Variants in MTMR8 observed in about 807,000 individuals in gnomAD.
MTMR8 encodes the protein myotubularin related protein 8.
MTMR8 carries 65 observed loss-of-function variants against 39.3 expected under a neutral mutation model. That is an observed-to-expected ratio of 1.65 (90% confidence interval 1.35 to 2.03). MTMR8 has a LOEUF of 2.03. Among genes scored for constraint, MTMR8 ranks in the 30% most tolerant of loss-of-function variants. MTMR8 has a pLI of 0.00. For synonymous variants in MTMR8, 245 were observed against 185.2 expected, an observed-to-expected ratio of 1.32 and a Z score of -2.62; for missense variants, 777 against 538.9, an observed-to-expected ratio of 1.44 and a Z score of -4.37.
chrX:64,271,110 T>C lies in MTMR8; in HGVS notation c.1482-37A>G, dbSNP rs769862829. Reference sequence around the variant, plus strand: ...AAAAATGGGGGGAAAAGTGGGTTAGTTTAGCTGGAGTAATTGATTACCAAT... The same window carrying C: ...AAAAATGGGGGGAAAAGTGGGTTAGCTTAGCTGGAGTAATTGATTACCAAT... On this transcript the variant is annotated intron_variant, in intron 12 of 13. Transcript: ENST00000374852. The C allele has an allele frequency of 2.0e-5, 23 of 1,146,113 alleles. No homozygotes were observed. The East Asian group carries it at 7.2e-4, about 36-fold the overall frequency. 94.5% of individuals were successfully genotyped at this position (1,146,113 alleles called of 1,213,427 possible).
intron 12 of MTMR8, among the ~76,000 whole-genome samples, chrX:64,296,648 T>A (rs1462154060): frequency 2.8e-5 from 3 of 106,087 alleles, no homozygotes; most frequent in African/African-American, 1.0e-4. Flanking sequence ...GTTACATATG[T>A]ATACATGTGC....
intron 3 of MTMR8, 90 bp downstream of exon 3, chrX:64,356,086 C>T: frequency 1.1e-6 from 1 of 946,915 alleles, no homozygotes; most frequent in East Asian, 3.4e-5. Context: ...AGATCCAAAC[C>T]CTCCTCTGAC....
intron 12 of MTMR8, among the ~76,000 whole-genome samples, chrX:64,320,739 G>A (rs1602130048): frequency 9.0e-6 from 1 of 110,922 alleles, no homozygotes; most frequent in African/African-American, 3.3e-5. Flanking sequence ...TACATGCTGA[G>A]GGTCAGACCT....
chrX:64,328,912 G>A lies in MTMR8; in HGVS notation c.1353-12C>T, dbSNP rs1569221603. 2 of 1,182,109 alleles carry A rather than the reference G, an allele frequency of 1.7e-6. No homozygotes were observed. Among genetic ancestry groups the A allele is most frequent in the South Asian group, 3.9e-5 (2 of 51,924 alleles). On this transcript the variant is annotated splice_polypyrimidine_tract_variant and intron_variant, in intron 11 of 13. Transcript: ENST00000374852. ...TTTTCTCATAGACTCTGTTAGAAAA[G>A]AAAAACAAGCCAAAAAATTAAAAGC...
chrX:64,306,915 T>A (rs1251341371), intron 12 of MTMR8, among the ~76,000 whole-genome samples: 4 of 110,888 alleles, frequency 3.6e-5, no homozygotes, highest in African/African-American at 6.6e-5. Flanking sequence ...CCTGTACAAC[T>A]CCCTTCCTCA....
intron 1 of MTMR8, among the ~76,000 whole-genome samples, chrX:64,364,877 G>A (rs957560234): frequency 9.0e-6 from 1 of 111,239 alleles, no homozygotes; most frequent in African/African-American, 3.3e-5. Flanking sequence ...AAGATTAGAC[G>A]AATGGCTAAC....
intron 2 of MTMR8, 122 bp from the exon 3 acceptor site, chrX:64,356,460 T>C (rs1256241665): frequency 1.0e-5 from 6 of 589,377 alleles, no homozygotes; most frequent in African/African-American, 2.3e-5. Context: ...ATCTACAGCC[T>C]ACAACCATTC....
intron 12 of MTMR8, among the ~76,000 whole-genome samples, chrX:64,326,262 C>A (rs1429955511): frequency 1.8e-5 from 2 of 110,996 alleles, no homozygotes; most frequent in Non-Finnish European, 3.8e-5. Context: ...AATGGACTCA[C>A]ACATTTCAAA....
Position 64,356,340 on chromosome X carries a change from T to C in MTMR8, c.148-2A>G. 1 of 1,198,612 alleles carries C rather than the reference T, an allele frequency of 8.3e-7. No homozygotes were observed. Among genetic ancestry groups the C allele is most frequent in the Non-Finnish European group, 1.1e-6 (1 of 890,283 alleles). On this transcript the variant is annotated splice_acceptor_variant, in intron 2 of 13. Transcript: ENST00000374852. LOFTEE classifies it high-confidence loss of function. ...AGTGGCAATGTGATGGAGTGCAATCTGAAAAACATAAAAGAACCAGCGTAA... is the reference window on the plus strand; with the variant it reads ...AGTGGCAATGTGATGGAGTGCAATCCGAAAAACATAAAAGAACCAGCGTAA...
At chrX:64,287,231 A>G (rs1921215611) in intron 12 of MTMR8, among the ~76,000 whole-genome samples, 1 of 111,428 alleles carries the variant, frequency 9.0e-6, no homozygotes, top group Non-Finnish European at 1.9e-5. Context: ...CAAAGAGAAT[A>G]AAATACCTAG....
At chrX:64,358,385 G>A (rs937269930) in intron 2 of MTMR8, among the ~76,000 whole-genome samples, 1 of 111,868 alleles carries the variant, frequency 8.9e-6, no homozygotes, top group African/African-American at 3.3e-5. Flanking sequence ...CTTCTTTCAT[G>A]TGCATACTCA....
At chrX:64,290,244 C>G (rs947515016) in intron 12 of MTMR8, among the ~76,000 whole-genome samples, 1 of 109,949 alleles carries the variant, frequency 9.1e-6, no homozygotes, top group African/African-American at 3.3e-5. Context: ...ATTTTAAGTG[C>G]ATTTTACTAC....
At chrX:64,327,742 C>T (rs1922835952) in intron 12 of MTMR8, among the ~76,000 whole-genome samples, 1 of 111,958 alleles carries the variant, frequency 8.9e-6, no homozygotes, top group South Asian at 3.7e-4. Flanking sequence ...ATGTTTATTG[C>T]AGCACTATTC....
intron 12 of MTMR8, among the ~76,000 whole-genome samples, chrX:64,316,059 T>C (rs893211439): frequency 1.8e-5 from 2 of 111,853 alleles, no homozygotes; most frequent in Non-Finnish European, 3.8e-5. Flanking sequence ...AATATAATTA[T>C]CTTAAACATT....
intron 12 of MTMR8, among the ~76,000 whole-genome samples, chrX:64,318,238 C>T (rs1451519723): frequency 8.9e-6 from 1 of 112,215 alleles, no homozygotes; most frequent in Non-Finnish European, 1.9e-5. Context: ...TGGCAGGGGG[C>T]CATTTGGGTA....
chrX:64,296,652 C>T (rs775876341), intron 12 of MTMR8, among the ~76,000 whole-genome samples: 2 of 102,653 alleles, frequency 1.9e-5, no homozygotes, highest in East Asian at 6.5e-4. Context: ...CATATGTATA[C>T]ATGTGCCATG....
intron 12 of MTMR8, 112 bp downstream of exon 12, chrX:64,328,660 T>A: frequency 2.7e-6 from 2 of 738,242 alleles, no homozygotes; most frequent in East Asian, 7.9e-5. Context: ...GGACAGAGTA[T>A]CCTACTCCAT....
At chrX:64,273,416 C>G (rs1431698396) in intron 12 of MTMR8, among the ~76,000 whole-genome samples, 1 of 101,056 alleles carries the variant, frequency 9.9e-6, no homozygotes, top group Admixed American at 1.0e-4. Flanking sequence ...AAAGGAAATA[C>G]CTACAGAAGT....
chrX:64,270,393 A>C (rs1931733091), intron 13 of MTMR8, among the ~76,000 whole-genome samples: 1 of 112,270 alleles, frequency 8.9e-6, no homozygotes. Context: ...CCTGTCCTTC[A>C]AACAAACCCT....
Sources: allele counts gnomAD v4.1 joint callset (sites outside exome capture counted in the v4.1 genomes callset), GRCh38; gene constraint gnomAD v4.1.1; transcripts MANE v1.5; gene names NCBI Gene and HGNC (gene_info 2026-07-23, HGNC 2026-07-21).